The following FANCC variants were observed in gnomAD, a reference collection of about 807,000 sequenced individuals.
FANCC encodes the protein Fanconi anemia group C protein.
A neutral mutation model predicts 71.3 loss-of-function variants in FANCC; 55 were observed. The ratio of observed to expected loss-of-function variants is 0.77; its 90% CI spans 0.62 to 0.97. The LOEUF (loss-of-function observed/expected upper bound fraction) is 0.97. Ranked by LOEUF, FANCC falls within the 50% of genes least tolerant of loss-of-function variation. The pLI is 0.00. For missense variants in FANCC, 678 were observed against 670.9 expected, an observed-to-expected ratio of 1.01 and a Z score of -0.12; for synonymous variants, 275 against 244.9, an observed-to-expected ratio of 1.12 and a Z score of -1.15.
chr9:95,203,160 G>GCTGA (rs1827901403), intron 4 of FANCC, among the ~76,000 whole-genome samples: 1 of 152,056 alleles, frequency 6.6e-6, no homozygotes, highest in Admixed American at 6.5e-5. Flanking sequence ...ACTTTGGGAG[G>GCTGA]CTGAAGTGGG....
At chr9:95,190,299 C>T (rs972450478) in intron 4 of FANCC, among the ~76,000 whole-genome samples, 4 of 152,068 alleles carry the variant, frequency 2.6e-5, no homozygotes, top group African/African-American at 9.7e-5. Flanking sequence ...AGCAGTGACC[C>T]GCGTCATTGC....
chr9:95,123,342 T>C, intron 10 of FANCC: 1 of 340,496 alleles, frequency 2.9e-6, no homozygotes, highest in Non-Finnish European at 5.6e-6. Flanking sequence ...TATTGTTGCT[T>C]TAAAAAGCAG....
At chr9:95,160,150 T>C (rs1174763191) in intron 6 of FANCC, among the ~76,000 whole-genome samples, 2 of 152,262 alleles carry the variant, frequency 1.3e-5, no homozygotes, top group Non-Finnish European at 2.9e-5. Flanking sequence ...CTAGGATTTT[T>C]ATGGTTTTAG....
chr9:95,292,531 G>T (rs1007509297), intron 1 of FANCC: 1 of 1,490,070 alleles, frequency 6.7e-7, no homozygotes, highest in African/African-American at 1.4e-5. Context: ...GTGCTGGCGG[G>T]GGAGCTGATC....
At chr9:95,214,875 C>A (rs1286251368) in intron 4 of FANCC, among the ~76,000 whole-genome samples, 3 of 152,090 alleles carry the variant, frequency 2.0e-5, no homozygotes, top group Non-Finnish European at 4.4e-5. Context: ...TGAATGGGTA[C>A]TGTTTCACAA....
At chr9:95,276,069 A>G (rs1417229856) in intron 1 of FANCC, among the ~76,000 whole-genome samples, 4 of 152,202 alleles carry the variant, frequency 2.6e-5, no homozygotes, top group Admixed American at 2.6e-4. Context: ...AGACAGTGAG[A>G]AAAGTTCCTG....
In FANCC at chr9:95,111,279, CAGG is replaced by C. The variant is rs587778328; in HGVS notation, c.1329+181_1329+183del. The C allele has an allele frequency of 3.8e-5, 59 of 1,559,742 alleles. No individual in the cohort carries two copies. In the African/African-American group the frequency reaches 6.1e-4, roughly 16 times the overall value. Reference sequence around the variant, plus strand: ...TCGTCTCTGGCCACCTCGGTGGGGACAGGAGAACGCCTCTGACCACAAGGCTGG... The same window carrying C: ...TCGTCTCTGGCCACCTCGGTGGGGACAGAACGCCTCTGACCACAAGGCTGG... On this transcript the variant is annotated intron_variant, in intron 13 of 14. Coordinates refer to ENST00000289081, the MANE Select transcript of FANCC (RefSeq NM_000136.3).
In FANCC at chr9:95,255,717, T is replaced by C. The variant is rs145132021; in HGVS notation, c.-78-6348A>G. ...AATTAGTTTGACAAACTGACAGAAG[T>C]AGGCTTCAGAAGGTGGGTAATAACA... is the stretch of plus-strand genomic sequence containing the variant. On this transcript the variant is annotated intron_variant, in intron 1 of 14. Coordinates refer to ENST00000289081, the MANE Select transcript of FANCC (RefSeq NM_000136.3). Among the ~76,000 whole-genome samples, 1,366 of 152,016 alleles carry C rather than the reference T, an allele frequency of 9.0e-3. 10 individuals are homozygous for C. The highest frequency in any genetic ancestry group is 0.015 in the Non-Finnish European group (988 of 67,986).
At chr9:95,241,806 T>C (rs1199719022) in intron 3 of FANCC, among the ~76,000 whole-genome samples, 1 of 152,078 alleles carries the variant, frequency 6.6e-6, no homozygotes, top group Admixed American at 6.6e-5. Context: ...ACCACAGGTG[T>C]GTGCCACCAC....
At position 95,101,303 on chromosome 9, in the gene FANCC, C is replaced by CT. The variant is rs1372673670; in HGVS notation, c.*403dup. 1.2e-5 allele frequency: 4 copies of CT among 330,142 alleles called. No homozygotes were observed. Among genetic ancestry groups the CT allele is most frequent in the African/African-American group, 8.2e-5 (4 of 48,984 alleles). The allele number at this position is 330,142 out of a possible 1,614,324, so 20.5% of individuals were successfully genotyped here. A position where few individuals can be genotyped will look rare whatever the true frequency, so the allele number is the denominator to read the frequency against. ...GAGTCTAAAAAGAGCTAAGTTCTCT[C>CT]TAAATTCTTTAATGGTTCATGACCA... On this transcript the variant is annotated 3_prime_UTR_variant, in exon 15 of 15. Coordinates refer to ENST00000289081, the MANE Select transcript of FANCC (RefSeq NM_000136.3).
chr9:95,131,520 A>G (rs1008768338), intron 8 of FANCC, among the ~76,000 whole-genome samples: 4 of 152,198 alleles, frequency 2.6e-5, no homozygotes, highest in Admixed American at 2.6e-4. Flanking sequence ...ACTATGCTGG[A>G]GGATCTGGTG....
intron 6 of FANCC, among the ~76,000 whole-genome samples, chr9:95,169,053 T>C (rs1472715253): frequency 6.6e-6 from 1 of 152,130 alleles, no homozygotes; most frequent in Admixed American, 6.5e-5. Context: ...GACCTCAAAG[T>C]CCAAGAGCAC....
chr9:95,193,710 C>G (rs1343592775), intron 4 of FANCC, among the ~76,000 whole-genome samples: 6 of 152,092 alleles, frequency 3.9e-5, no homozygotes. Context: ...CTATCACAGT[C>G]AAAATGTAAA....
chr9:95,147,988 T>C (rs1829786247), intron 7 of FANCC, among the ~76,000 whole-genome samples: 1 of 152,092 alleles, frequency 6.6e-6, no homozygotes, highest in Non-Finnish European at 1.5e-5. Context: ...ATCTCCTGGT[T>C]TTTCCTGGAA....
At position 95,304,766 on chromosome 9, in the gene FANCC, A is replaced by T. The variant is rs1013589300; in HGVS notation, c.-79+12760T>A. ...CTCTATCTCAAAAAAAAAAAAAAAA[A>T]AAAAAAAAAGGGAAAACAGAAGAAA... On this transcript the variant is annotated intron_variant, in intron 1 of 14. Transcript: ENST00000289081. Among the ~76,000 whole-genome samples, 1,209 of 151,140 alleles carry T rather than the reference A, an allele frequency of 8.0e-3. 24 individuals are homozygous for T. Among genetic ancestry groups the T allele is most frequent in the African/African-American group, 0.028 (1,148 of 41,148 alleles).
chr9:95,172,637 A>G (rs529299825), intron 4 of FANCC, among the ~76,000 whole-genome samples: 2 of 152,324 alleles, frequency 1.3e-5, no homozygotes, highest in South Asian at 2.1e-4. Context: ...AGAACACATC[A>G]CAAATCAGTA....
chr9:95,231,650 A>G (rs558844695), intron 4 of FANCC, among the ~76,000 whole-genome samples: 1 of 151,278 alleles, frequency 6.6e-6, no homozygotes, highest in Non-Finnish European at 1.5e-5. Flanking sequence ...TGAACTAGGG[A>G]AAAGTCCTGC....
At chr9:95,209,046 T>C (rs531637872) in intron 4 of FANCC, among the ~76,000 whole-genome samples, 22 of 152,322 alleles carry the variant, frequency 1.4e-4, no homozygotes, top group African/African-American at 4.6e-4. Flanking sequence ...TAAGCTGTAA[T>C]ATATCCAGAC....
intron 6 of FANCC, among the ~76,000 whole-genome samples, chr9:95,160,245 T>C (rs1272772220): frequency 6.6e-6 from 1 of 152,216 alleles, no homozygotes; most frequent in African/African-American, 2.4e-5. Flanking sequence ...TTTCTACATA[T>C]GGCTAGCCAG....
Sources: gnomAD v4.1 joint callset for allele counts (sites outside exome capture counted in the v4.1 genomes callset) on GRCh38, gnomAD v4.1.1 for gene constraint, MANE v1.5 for transcripts, NCBI Gene and HGNC (gene_info 2026-07-23, HGNC 2026-07-21) for gene names.